Variants in PTPRG observed in about 807,000 individuals in gnomAD.
PTPRG encodes protein tyrosine phosphatase receptor type G, also known as receptor-type tyrosine-protein phosphatase gamma.
PTPRG carries 102 observed loss-of-function variants against 165.3 expected under a neutral mutation model. The observed-to-expected ratio is 0.62, with a 90% CI of 0.53 to 0.73. The LOEUF (loss-of-function observed/expected upper bound fraction) is 0.73. PTPRG is among the 30% of genes least tolerant of loss of function. The pLI is 0.00. For missense variants in PTPRG, 1,866 were observed against 1,861.4 expected (o/e 1.00, Z -0.05); for synonymous variants, 675 against 669.5 (o/e 1.01, Z -0.13).
intron 2 of PTPRG, among the ~76,000 whole-genome samples, chr3:61,841,279 TC>T (rs1247207154): frequency 6.6e-6 from 1 of 152,184 alleles, no homozygotes; most frequent in African/African-American, 2.4e-5. Context: ...ATATTTGTTC[TC>T]CCAGGTCATG....
At chr3:61,825,849 C>T (rs768194654) in intron 2 of PTPRG, among the ~76,000 whole-genome samples, 1 of 152,036 alleles carries the variant, frequency 6.6e-6, no homozygotes, top group Non-Finnish European at 1.5e-5. Context: ...TGAGGTTATG[C>T]TATGTTGTCC....
At chr3:61,610,753 C>CCCTG (rs1430689680) in intron 1 of PTPRG, among the ~76,000 whole-genome samples, 17 of 119,468 alleles carry the variant, frequency 1.4e-4, no homozygotes, top group Non-Finnish European at 2.5e-4. Flanking sequence ...CTCCCTGCCT[C>CCCTG]CCTCCCTCCC....
chr3:61,993,857 A>T (rs1380759537), intron 3 of PTPRG, among the ~76,000 whole-genome samples: 1 of 152,242 alleles, frequency 6.6e-6, no homozygotes, highest in Non-Finnish European at 1.5e-5. Flanking sequence ...AAATATGAAT[A>T]TAGAAAGTTA....
At position 62,243,827 on chromosome 3, in the gene PTPRG, A is replaced by T. The variant is rs780013182; in HGVS notation, c.2396A>T (p.His799Leu). 6.3e-7 allele frequency: 1 copy of T among 1,591,324 alleles called. No homozygotes were observed. Among genetic ancestry groups the T allele is most frequent in the Non-Finnish European group, 8.6e-7 (1 of 1,160,228 alleles). ...KGSRKCFQTAHFYVEDSSSPR... is the reference protein window; with the variant it reads ...KGSRKCFQTALFYVEDSSSPR... ...CACAGAAAATGTTTTCAGACTGCTCATTTCTATGTGGAAGACAGCAGTTCA... is the reference window on the plus strand; with the variant it reads ...CACAGAAAATGTTTTCAGACTGCTCTTTTCTATGTGGAAGACAGCAGTTCA... Residue 799 changes from histidine (H) to leucine (L), a missense_variant, in exon 15 of 30, where the codon CAT becomes CTT. Around this residue, in one of 3 missense-constraint regions of PTPRG, gnomAD observed 1,452 missense variants for 1,463.0 expected, o/e 0.99. Transcript: ENST00000474889.
chr3:61,614,142 T>C (rs1701247353), intron 1 of PTPRG, among the ~76,000 whole-genome samples: 1 of 152,124 alleles, frequency 6.6e-6, no homozygotes, highest in South Asian at 2.1e-4. Context: ...CTTCGCCTGT[T>C]GTTCCTCACT....
intron 7 of PTPRG, among the ~76,000 whole-genome samples, chr3:62,163,771 T>TA (rs1234150818): frequency 4.6e-5 from 7 of 152,210 alleles, no homozygotes; most frequent in Non-Finnish European, 1.0e-4. Flanking sequence ...TTTGAATAGT[T>TA]ACAAAAACCA....
intron 2 of PTPRG, among the ~76,000 whole-genome samples, chr3:61,795,355 G>C (rs1456087014): frequency 6.6e-6 from 1 of 151,924 alleles, no homozygotes; most frequent in African/African-American, 2.4e-5. Context: ...AAAGTAGGCG[G>C]GAATAGGCCG....
chr3:62,157,330 G>C, intron 7 of PTPRG, 106 bp downstream of exon 7: 1 of 1,170,540 alleles, frequency 8.5e-7, no homozygotes. Context: ...TCTTGATCCT[G>C]TGCATATCAT....
chr3:62,078,905 G>A (rs1368320637), intron 5 of PTPRG, among the ~76,000 whole-genome samples: 1 of 152,170 alleles, frequency 6.6e-6, no homozygotes, highest in East Asian at 1.9e-4. Context: ...TGATCAGTGA[G>A]TGCCTTGACC....
At chr3:61,678,259 AC>A (rs1173250932) in intron 1 of PTPRG, among the ~76,000 whole-genome samples, 10 of 152,274 alleles carry the variant, frequency 6.6e-5, no homozygotes, top group African/African-American at 2.2e-4. Context: ...AGCTGGGAAA[AC>A]TGTTCTGAAT....
intron 4 of PTPRG, among the ~76,000 whole-genome samples, chr3:62,008,155 T>G (rs2041340178): frequency 1.3e-5 from 2 of 152,208 alleles, no homozygotes; most frequent in South Asian, 2.1e-4. Context: ...GTAACTTAAA[T>G]AAAGGTTCAT....
Position 62,042,184 on chromosome 3 carries a change from A to G in PTPRG, c.520-35979A>G, listed in dbSNP as rs139216872. The stretch of plus-strand genomic sequence containing the variant: ...GGGGCAAGCTCAGAGATGCACAAGT[A>G]TAACCTGGAGCTTCCACACCAGTTA... On this transcript the variant is annotated intron_variant, in intron 4 of 29. Coordinates refer to ENST00000474889, the MANE Select transcript of PTPRG (RefSeq NM_002841.4). 8.4e-4 allele frequency among the ~76,000 whole-genome samples: 128 copies of G among 152,278 alleles called. No homozygotes were observed. The East Asian group carries it at 0.019, about 22-fold the overall frequency.
At chr3:62,097,958 A>G (rs995008613) in intron 5 of PTPRG, among the ~76,000 whole-genome samples, 41 of 152,372 alleles carry the variant, frequency 2.7e-4, no homozygotes, top group African/African-American at 9.6e-4. Context: ...ATGTTAGACT[A>G]ATAACTACTA....
chr3:62,239,839 G>A (rs1418035120), intron 14 of PTPRG, among the ~76,000 whole-genome samples: 1 of 152,040 alleles, frequency 6.6e-6, no homozygotes, highest in Non-Finnish European at 1.5e-5. Context: ...AGGTCAAGAA[G>A]CATAATTTCT....
At chr3:62,169,389 AT>A (rs1705131643) in intron 8 of PTPRG, among the ~76,000 whole-genome samples, 1 of 152,090 alleles carries the variant, frequency 6.6e-6, no homozygotes, top group African/African-American at 2.4e-5. Context: ...CTTGCTTATT[AT>A]TTTTTTAACC....
chr3:62,185,514 C>A (rs1447687363), intron 8 of PTPRG, among the ~76,000 whole-genome samples: 1 of 152,118 alleles, frequency 6.6e-6, no homozygotes, highest in South Asian at 2.1e-4. Flanking sequence ...AGAAAACTCA[C>A]CTCGCCTTGG....
chr3:62,079,186 T>C (rs17065903), intron 5 of PTPRG, among the ~76,000 whole-genome samples: 3,151 of 152,300 alleles, frequency 0.021, 111 homozygotes, highest in African/African-American at 0.072. Flanking sequence ...GTATGTTAAT[T>C]TCACCACCCT....
chr3:61,731,341 C>A (rs1387512918), intron 1 of PTPRG, among the ~76,000 whole-genome samples: 2 of 149,554 alleles, frequency 1.3e-5, no homozygotes, highest in Non-Finnish European at 3.0e-5. Flanking sequence ...AGCTCACTTT[C>A]CTTTTTCCTT....
At chr3:61,882,957 G>T (rs2037926926) in intron 2 of PTPRG, among the ~76,000 whole-genome samples, 1 of 152,030 alleles carries the variant, frequency 6.6e-6, no homozygotes, top group Admixed American at 6.6e-5. Context: ...GATGCTTAAT[G>T]GTTACCCCAG....
Sources: gnomAD v4.1 joint callset for allele counts (sites outside exome capture counted in the v4.1 genomes callset) on GRCh38, gnomAD v4.1.1 for gene constraint, gnomAD v4.1.1 regional missense constraint, MANE v1.5 for transcripts, NCBI Gene and HGNC (gene_info 2026-07-23, HGNC 2026-07-21) for gene names.